Variants in TENM2 observed in about 807,000 individuals in gnomAD.
The protein encoded by TENM2 is teneurin-2.
In TENM2, 52 loss-of-function variants were observed where a neutral mutation model predicts 245.2. The observed-to-expected ratio is 0.21, with a 90% CI of 0.17 to 0.27. The LOEUF is 0.27. TENM2 is among the 10% of genes least tolerant of loss of function. The pLI is 1.00. For missense variants in TENM2, 3,046 were observed against 3,666.8 expected, an observed-to-expected ratio of 0.83 and a Z score of 4.37; for synonymous variants, 1,363 against 1,438.9, an observed-to-expected ratio of 0.95 and a Z score of 1.19.
At chr5:167,964,043 A>G (rs1249670316) in intron 4 of TENM2, among the ~76,000 whole-genome samples, 1 of 152,206 alleles carries the variant, frequency 6.6e-6, no homozygotes, top group Non-Finnish European at 1.5e-5. Context: ...TTTCTTAAGT[A>G]GTGTGTTACA....
chr5:167,568,376 A>G (rs1297025919), intron 2 of TENM2, among the ~76,000 whole-genome samples: 1 of 152,142 alleles, frequency 6.6e-6, no homozygotes, highest in Non-Finnish European at 1.5e-5. Flanking sequence ...CTAGAAATAG[A>G]TGAATGTAGG....
rs1007230391 is a variant in TENM2 at position 168,098,133 on chromosome 5, T to C, written c.1813+6T>C. ...AGGAGCAGACTGTGCTAAAGGTATG[T>C]GCCGCCACTTCCCTGCTATGGTTGG... On this transcript the variant is annotated splice_donor_region_variant and intron_variant, in intron 9 of 28. Coordinates refer to ENST00000518659, the Ensembl canonical transcript of TENM2. 6.2e-7 allele frequency: 1 copy of C among 1,604,288 alleles called. No individual in the cohort carries two copies. Among genetic ancestry groups the C allele is most frequent in the Non-Finnish European group, 8.5e-7 (1 of 1,171,796 alleles).
chr5:167,357,410 G>A (rs1759414796), intron 1 of TENM2, among the ~76,000 whole-genome samples: 3 of 151,226 alleles, frequency 2.0e-5, no homozygotes, highest in African/African-American at 7.3e-5. Flanking sequence ...AGCCTCCCGA[G>A]TAGCTGGGAT....
In TENM2 at chr5:167,977,951, T is replaced by C. The variant is rs554880153; in HGVS notation, c.948-14993T>C. Among the ~76,000 whole-genome samples, 4 of 152,292 alleles carry C rather than the reference T, an allele frequency of 2.6e-5. No individual in the cohort carries two copies. The East Asian group carries it at 7.7e-4, about 29-fold the overall frequency. ...GATCTCTCATGATCAACTTGGTGCC[T>C]TCCTCCCGGTAATGAATAAGTTTTT... On this transcript the variant is annotated intron_variant, in intron 4 of 28. Coordinates refer to ENST00000518659, the Ensembl canonical transcript of TENM2.
At chr5:167,936,861 T>G (rs889361066) in intron 3 of TENM2, among the ~76,000 whole-genome samples, 1 of 152,224 alleles carries the variant, frequency 6.6e-6, no homozygotes, top group Non-Finnish European at 1.5e-5. Flanking sequence ...TCACTACAGT[T>G]TTGTCTTCTT....
the TENM2 span, among the ~76,000 whole-genome samples, chr5:167,227,167 T>G: frequency 6.6e-6 from 1 of 151,776 alleles, no homozygotes; most frequent in Non-Finnish European, 1.5e-5. Flanking sequence ...TATTTTCAAT[T>G]TATGTTGAAG....
At chr5:167,069,828 C>T in the TENM2 span, among the ~76,000 whole-genome samples, 1 of 150,866 alleles carries the variant, frequency 6.6e-6, no homozygotes, top group Non-Finnish European at 1.5e-5. Flanking sequence ...TAGATCAAAT[C>T]GCACTGTCAT....
chr5:168,039,515 G>T (rs1001358618), intron 5 of TENM2, among the ~76,000 whole-genome samples: 1 of 151,978 alleles, frequency 6.6e-6, no homozygotes, highest in Non-Finnish European at 1.5e-5. Context: ...TGATCACATG[G>T]GTCCTTTCTT....
rs570743750 is a variant in TENM2 at position 167,514,042 on chromosome 5, CAG to C, written c.502+138572_502+138573del. 2.6e-3 allele frequency among the ~76,000 whole-genome samples: 402 copies of C among 152,318 alleles called. 1 individual carries two copies. The highest frequency in any genetic ancestry group is 9.3e-3 in the African/African-American group (385 of 41,580). On this transcript the variant is annotated intron_variant, in intron 2 of 28. Coordinates refer to ENST00000518659, the Ensembl canonical transcript of TENM2. ...AGTTAGGCTGCAGTGCTGAATAGATCAGAGTGTTTCACTAGAAAGCACGCAGT... is the reference window on the plus strand; with the variant it reads ...AGTTAGGCTGCAGTGCTGAATAGATCAGTGTTTCACTAGAAAGCACGCAGT...
chr5:168,260,579 C>T (rs1170176418), intron 28 of TENM2, among the ~76,000 whole-genome samples, 166 bp downstream of exon 30: 1 of 152,176 alleles, frequency 6.6e-6, no homozygotes, highest in Non-Finnish European at 1.5e-5. Context: ...TCAGTGCTGT[C>T]GCCTGTCTGG....
At chr5:167,412,931 G>A (rs1762984013) in intron 2 of TENM2, among the ~76,000 whole-genome samples, 1 of 151,208 alleles carries the variant, frequency 6.6e-6, no homozygotes, top group Non-Finnish European at 1.5e-5. Context: ...CAGAGGGACT[G>A]AATTGGAATC....
the TENM2 span, among the ~76,000 whole-genome samples, chr5:167,179,289 C>T: frequency 3.9e-5 from 6 of 152,020 alleles, no homozygotes; most frequent in Non-Finnish European, 8.8e-5. Context: ...AAAAATTGGC[C>T]GTGAGGTACC....
At chr5:168,116,604 A>G (rs1279129346) in intron 9 of TENM2, among the ~76,000 whole-genome samples, 1 of 152,210 alleles carries the variant, frequency 6.6e-6, no homozygotes, top group Non-Finnish European at 1.5e-5. Context: ...TGTTTACTTA[A>G]TCAAGCCACC....
At chr5:167,044,036 A>AGAAGGAAGGAAGGAAGGAAG in the TENM2 span, among the ~76,000 whole-genome samples, 1 of 128,514 alleles carries the variant, frequency 7.8e-6, no homozygotes, top group African/African-American at 3.2e-5. Flanking sequence ...TAGTAAGGAC[A>AGAAGGAAGGAAGGAAGGAAG]GAAGGAAGGA....
chr5:168,031,543 G>C (rs1402656722), intron 5 of TENM2, among the ~76,000 whole-genome samples: 2 of 152,122 alleles, frequency 1.3e-5, no homozygotes, highest in Admixed American at 1.3e-4. Context: ...ACCCCCCTGG[G>C]AGGTAGGAAG....
chr5:168,215,858 C>A (rs1165618062), intron 21 of TENM2, among the ~76,000 whole-genome samples: 1 of 152,114 alleles, frequency 6.6e-6, no homozygotes, highest in African/African-American at 2.4e-5. Flanking sequence ...CAAAGCCCAG[C>A]GAGGGGCCTC....
In TENM2 at chr5:167,428,268, C is replaced by T. The variant is rs191741128; in HGVS notation, c.502+52795C>T. Among the ~76,000 whole-genome samples the T allele has an allele frequency of 6.4e-3, 971 of 152,234 alleles. 6 individuals carry two copies. Among genetic ancestry groups the T allele is most frequent in the Middle Eastern group, 0.017 (5 of 294 alleles). On this transcript the variant is annotated intron_variant, in intron 2 of 28. Coordinates refer to ENST00000518659, the Ensembl canonical transcript of TENM2. The stretch of plus-strand genomic sequence containing the variant: ...ATTAGTAGGAAATGAATCTAAATTG[C>T]TTCTAAAACAATAAAGTTTAAGTGC...
intron 2 of TENM2, among the ~76,000 whole-genome samples, chr5:167,499,151 C>A (rs1010871629): frequency 1.3e-5 from 2 of 152,100 alleles, no homozygotes; most frequent in Non-Finnish European, 2.9e-5. Context: ...CCCGTGGGAC[C>A]TTTTTCTACT....
chr5:167,774,521 CTACATT>C (rs1763627084), intron 2 of TENM2, among the ~76,000 whole-genome samples: 1 of 152,124 alleles, frequency 6.6e-6, no homozygotes, highest in Non-Finnish European at 1.5e-5. Flanking sequence ...ATCTCAACAG[CTACATT>C]AGGGAGAGTC....
Sources: allele counts gnomAD v4.1 joint callset (sites outside exome capture counted in the v4.1 genomes callset), GRCh38; gene constraint gnomAD v4.1.1; transcripts MANE v1.5; gene names NCBI Gene and HGNC (gene_info 2026-07-23, HGNC 2026-07-21).